NTNG1: variants seen among roughly 807,000 people sequenced by gnomAD.
The protein encoded by NTNG1 is netrin-G1.
In NTNG1, 16 loss-of-function variants were observed where a neutral mutation model predicts 54.0. The ratio of observed to expected loss-of-function variants is 0.30; its 90% CI spans 0.20 to 0.45. The LOEUF (loss-of-function observed/expected upper bound fraction) is 0.45, where lower values mean the gene tolerates loss of function less well. Among genes scored for constraint, NTNG1 ranks in the 20% least tolerant of loss-of-function variants. The probability of loss-of-function intolerance (pLI) is 1.00; values close to 1 mark genes in which losing one functional copy is unlikely to be tolerated. For missense variants in NTNG1, 530 were observed against 678.7 expected, an observed-to-expected ratio of 0.78 and a Z score of 2.43; for synonymous variants, 255 against 263.1, an observed-to-expected ratio of 0.97 and a Z score of 0.30.
rs139590625 is a variant in NTNG1 at position 107,151,203 on chromosome 1, A to G, written c.246+2364A>G. ...ATATACCTTGTGACTATTTGTATGCATATTATATACCACGTCAATGGTAAT... is the reference window on the plus strand; with the variant it reads ...ATATACCTTGTGACTATTTGTATGCGTATTATATACCACGTCAATGGTAAT... On this transcript the variant is annotated intron_variant, in intron 2 of 7. Transcript: ENST00000370068. Among the ~76,000 whole-genome samples, 4 of 152,316 alleles carry G rather than the reference A, an allele frequency of 2.6e-5. No homozygotes were observed. The East Asian group carries it at 7.7e-4, about 29-fold the overall frequency.
chr1:107,254,815 T>G (rs879362536), intron 2 of NTNG1, among the ~76,000 whole-genome samples: 11 of 152,246 alleles, frequency 7.2e-5, no homozygotes, highest in Non-Finnish European at 1.5e-4. Context: ...CCCATGATTG[T>G]GTATTATACC....
At chr1:107,143,936 G>A (rs571195441) in intron 1 of NTNG1, among the ~76,000 whole-genome samples, 3 of 152,078 alleles carry the variant, frequency 2.0e-5, no homozygotes, top group South Asian at 2.1e-4. Context: ...CAATTACCAC[G>A]GTGTGTTATT....
intron 7 of NTNG1, among the ~76,000 whole-genome samples, chr1:107,450,289 ATATT>A (rs2101478320): frequency 6.6e-6 from 1 of 152,270 alleles, no homozygotes; most frequent in South Asian, 2.1e-4. Flanking sequence ...GCACAGACAA[ATATT>A]TAGTGTTGAA....
intron 5 of NTNG1, among the ~76,000 whole-genome samples, chr1:107,412,358 G>A (rs146965237): frequency 2.2e-4 from 34 of 152,292 alleles, no homozygotes; most frequent in African/African-American, 7.0e-4. Context: ...TTATTGTAGG[G>A]AGGTATTCCC....
intron 2 of NTNG1, among the ~76,000 whole-genome samples, chr1:107,323,046 A>G (rs902053122): frequency 1.3e-5 from 2 of 151,762 alleles, no homozygotes; most frequent in African/African-American, 4.8e-5. Context: ...GTGTAAATTC[A>G]TTATCTGAGA....
chr1:107,350,290 C>T (rs1169551920), intron 3 of NTNG1, among the ~76,000 whole-genome samples: 2 of 152,078 alleles, frequency 1.3e-5, no homozygotes, highest in Non-Finnish European at 2.9e-5. Context: ...TCTAATTCTT[C>T]ATCAGTTTTA....
intron 2 of NTNG1, among the ~76,000 whole-genome samples, chr1:107,188,967 A>G (rs1365983817): frequency 6.6e-6 from 1 of 152,118 alleles, no homozygotes; most frequent in African/African-American, 2.4e-5. Flanking sequence ...TTTTCAGAGT[A>G]TTAATTCCAT....
At chr1:107,198,852 T>G (rs1201043593) in intron 2 of NTNG1, among the ~76,000 whole-genome samples, 1 of 151,790 alleles carries the variant, frequency 6.6e-6, no homozygotes, top group African/African-American at 2.4e-5. Context: ...GCTCATGGAG[T>G]GTTTAGTCCT....
rs199879276 is a variant in NTNG1, at chr1:107,376,807, G to GC, written c.888-18340dup. The stretch of plus-strand genomic sequence containing the variant: ...TCCCAGCTTCCAGTCTTCTTTTGCT[G>GC]CCCCCCCAGCCACCAGCCCCAGCAC... On this transcript the variant is annotated intron_variant, in intron 3 of 7. Coordinates refer to ENST00000370068, the MANE Select transcript of NTNG1 (RefSeq NM_001113226.3). Among the ~76,000 whole-genome samples, 665 of 152,018 alleles carry GC rather than the reference G, an allele frequency of 4.4e-3. 1 individual carries two copies. The highest frequency in any genetic ancestry group is 0.015 in the African/African-American group (602 of 41,426).
chr1:107,404,986 T>C (rs1673316494), intron 4 of NTNG1, among the ~76,000 whole-genome samples: 1 of 152,168 alleles, frequency 6.6e-6, no homozygotes, highest in Non-Finnish European at 1.5e-5. Context: ...TAAGATGGAA[T>C]TGCATTCATT....
chr1:107,250,612 A>G (rs1185545024), intron 2 of NTNG1, among the ~76,000 whole-genome samples: 1 of 152,242 alleles, frequency 6.6e-6, no homozygotes, highest in African/African-American at 2.4e-5. Context: ...CTGTGAAAGA[A>G]AAAGGGAAGA....
chr1:107,338,944 TGTTTTTAAAAAAAGAAAAA>T (rs1668749771), intron 3 of NTNG1, among the ~76,000 whole-genome samples: 1 of 151,914 alleles, frequency 6.6e-6, no homozygotes, highest in South Asian at 2.1e-4. Flanking sequence ...TTTGGAAAAG[TGTTTTTAAAAAAAGAAAAA>T]AGTAAGTGGC....
At chr1:107,286,531 T>C (rs1665213227) in intron 2 of NTNG1, among the ~76,000 whole-genome samples, 1 of 152,150 alleles carries the variant, frequency 6.6e-6, no homozygotes, top group Non-Finnish European at 1.5e-5. Flanking sequence ...CTTTCTGCAA[T>C]TTATATCCGA....
chr1:107,235,691 C>A (rs565544172), intron 2 of NTNG1, among the ~76,000 whole-genome samples: 1 of 152,304 alleles, frequency 6.6e-6, no homozygotes, highest in South Asian at 2.1e-4. Context: ...AAAGTATACT[C>A]CTTCCACTTT....
chr1:107,340,444 C>G (rs535062432), intron 3 of NTNG1, among the ~76,000 whole-genome samples: 1 of 151,964 alleles, frequency 6.6e-6, no homozygotes, highest in Non-Finnish European at 1.5e-5. Flanking sequence ...AAAACAGGAG[C>G]CCTGCAGAAG....
intron 2 of NTNG1, chr1:107,261,037 G>T (rs1663282180): frequency 6.6e-6 from 1 of 152,214 alleles, no homozygotes; most frequent in Non-Finnish European, 1.5e-5. Context: ...CTGAAGAGTT[G>T]TACAGTTATG....
intron 2 of NTNG1, among the ~76,000 whole-genome samples, chr1:107,213,265 C>T (rs1420308993): frequency 6.6e-6 from 1 of 152,010 alleles, no homozygotes; most frequent in Non-Finnish European, 1.5e-5. Flanking sequence ...TGCATCACAG[C>T]TTTAACATCT....
At chr1:107,349,093 T>G (rs867671032) in intron 3 of NTNG1, among the ~76,000 whole-genome samples, 7 of 152,144 alleles carry the variant, frequency 4.6e-5, no homozygotes. Flanking sequence ...CCACAGAGCC[T>G]TCTTCTGTTC....
chr1:107,316,048 C>T (rs7530586), intron 2 of NTNG1, among the ~76,000 whole-genome samples: 80,334 of 151,938 alleles, frequency 0.53, 22,630 homozygotes, highest in Non-Finnish European at 0.62. Flanking sequence ...GTTTCCCTAA[C>T]GCCTAAGTTG....
Sources: allele counts gnomAD v4.1 joint callset (sites outside exome capture counted in the v4.1 genomes callset), GRCh38; gene constraint gnomAD v4.1.1; transcripts MANE v1.5; gene names NCBI Gene and HGNC (gene_info 2026-07-23, HGNC 2026-07-21).